MARCHF11: variants seen among roughly 807,000 people sequenced by gnomAD.
MARCHF11 encodes membrane associated ring-CH-type finger 11, also known as E3 ubiquitin-protein ligase MARCHF11.
MARCHF11 carries 29 observed loss-of-function variants against 37.3 expected under a neutral mutation model. The observed-to-expected ratio is 0.78, with a 90% CI of 0.58 to 1.06. The LOEUF (loss-of-function observed/expected upper bound fraction) is 1.06, where lower values mean the gene tolerates loss of function less well. Among genes scored for constraint, MARCHF11 ranks in the 50% least tolerant of loss-of-function variants. The probability of loss-of-function intolerance (pLI) is 0.00; values close to 1 mark genes in which losing one functional copy is unlikely to be tolerated. For missense variants in MARCHF11, 482 were observed against 533.4 expected, an observed-to-expected ratio of 0.90 and a Z score of 0.95; for synonymous variants, 233 against 228.0, an observed-to-expected ratio of 1.02 and a Z score of -0.20.
At chr5:16,091,939 C>T (rs191356623) in intron 2 of MARCHF11, among the ~76,000 whole-genome samples, 1 of 152,268 alleles carries the variant, frequency 6.6e-6, no homozygotes, top group Non-Finnish European at 1.5e-5. Context: ...TAAGGTTTGC[C>T]AGTAAACCAT....
At chr5:16,172,467 A>G (rs558369044) in intron 2 of MARCHF11, among the ~76,000 whole-genome samples, 36 of 152,296 alleles carry the variant, frequency 2.4e-4, no homozygotes, top group African/African-American at 7.9e-4. Flanking sequence ...ATTTGCTATT[A>G]AATCTGCAAA....
chr5:16,112,171 C>T (rs542845368), intron 2 of MARCHF11, among the ~76,000 whole-genome samples: 81 of 152,282 alleles, frequency 5.3e-4, no homozygotes, highest in Non-Finnish European at 1.0e-3. Flanking sequence ...GGGGCACTGT[C>T]TGGTGGAGCT....
At chr5:16,078,901 G>C (rs986743443) in intron 3 of MARCHF11, among the ~76,000 whole-genome samples, 1 of 152,116 alleles carries the variant, frequency 6.6e-6, no homozygotes, top group Non-Finnish European at 1.5e-5. Flanking sequence ...AGTTGCTCCT[G>C]AGCCTCATGT....
chr5:16,122,235 A>C (rs1392307635), intron 2 of MARCHF11, among the ~76,000 whole-genome samples: 6 of 152,182 alleles, frequency 3.9e-5, no homozygotes, highest in Non-Finnish European at 1.5e-5. Context: ...ACACTTTCCC[A>C]GGGAAAGCAT....
At chr5:16,104,010 C>G (rs189914289) in intron 2 of MARCHF11, among the ~76,000 whole-genome samples, 103 of 152,236 alleles carry the variant, frequency 6.8e-4, no homozygotes, top group Non-Finnish European at 1.3e-3. Flanking sequence ...AAATTGTGAG[C>G]AAAAGGAAAA....
chr5:16,174,237 C>T (rs189277949), intron 2 of MARCHF11, among the ~76,000 whole-genome samples: 650 of 152,284 alleles, frequency 4.3e-3, no homozygotes, highest in Non-Finnish European at 6.9e-3. Context: ...TCAAATTGTC[C>T]TTAATGCATC....
chr5:16,085,215 T>A (rs934728701), intron 3 of MARCHF11, among the ~76,000 whole-genome samples: 3 of 151,482 alleles, frequency 2.0e-5, no homozygotes, highest in Admixed American at 6.6e-5. Context: ...TTTTTTTTTT[T>A]AAAGTGATCC....
intron 2 of MARCHF11, among the ~76,000 whole-genome samples, chr5:16,169,586 C>T (rs886725873): frequency 1.3e-5 from 2 of 152,074 alleles, no homozygotes; most frequent in African/African-American, 4.8e-5. Context: ...GGGTTCCTGT[C>T]ATGTCTTATC....
chr5:16,130,282 A>AC, intron 2 of MARCHF11, among the ~76,000 whole-genome samples: 3 of 151,320 alleles, frequency 2.0e-5, no homozygotes, highest in African/African-American at 7.3e-5. Context: ...ACACACACAC[A>AC]AAAGATGTGT....
chr5:16,068,904 G>T (rs1736392580), intron 3 of MARCHF11, among the ~76,000 whole-genome samples: 1 of 152,238 alleles, frequency 6.6e-6, no homozygotes, highest in Admixed American at 6.5e-5. Context: ...AGCAGAGCAT[G>T]TCGGCTGGCA....
chr5:16,077,047 C>A (rs928497537), intron 3 of MARCHF11, among the ~76,000 whole-genome samples: 2 of 152,182 alleles, frequency 1.3e-5, no homozygotes, highest in African/African-American at 4.8e-5. Flanking sequence ...AGGAGGATTA[C>A]GGCAACCTTC....
chr5:16,131,813 T>G (rs1406543884), intron 2 of MARCHF11, among the ~76,000 whole-genome samples: 2 of 152,226 alleles, frequency 1.3e-5, no homozygotes, highest in African/African-American at 4.8e-5. Context: ...TGTCCTTTTG[T>G]TTTTCTAAAT....
chr5:16,157,839 C>T (rs939124728), intron 2 of MARCHF11, among the ~76,000 whole-genome samples: 1 of 151,814 alleles, frequency 6.6e-6, no homozygotes, highest in Admixed American at 6.6e-5. Flanking sequence ...ACAGGAATTA[C>T]ATCAAACTAA....
intron 3 of MARCHF11, among the ~76,000 whole-genome samples, chr5:16,068,223 C>T (rs1269175190): frequency 2.6e-5 from 4 of 152,184 alleles, no homozygotes; most frequent in African/African-American, 9.7e-5. Context: ...AATGTCATTA[C>T]AGATACTAAG....
At chr5:16,110,586 A>G (rs1003000523) in intron 2 of MARCHF11, among the ~76,000 whole-genome samples, 5 of 152,348 alleles carry the variant, frequency 3.3e-5, no homozygotes, top group African/African-American at 1.2e-4. Flanking sequence ...GATCTGGTCC[A>G]AACTCCTATT....
chr5:16,094,334 G>A (rs767081074), intron 2 of MARCHF11, among the ~76,000 whole-genome samples: 10 of 152,122 alleles, frequency 6.6e-5, no homozygotes, highest in African/African-American at 9.7e-5. Context: ...CATTTGCTTC[G>A]ATGATAAAAG....
intron 2 of MARCHF11, among the ~76,000 whole-genome samples, chr5:16,114,651 G>T (rs111885693): frequency 0.025 from 3,737 of 151,822 alleles, 168 homozygotes; most frequent in African/African-American, 0.086. Flanking sequence ...GATATTCTTA[G>T]AAGCTTTACT....
At chr5:16,123,664 T>C (rs1414869430) in intron 2 of MARCHF11, among the ~76,000 whole-genome samples, 1 of 152,126 alleles carries the variant, frequency 6.6e-6, no homozygotes, top group African/African-American at 2.4e-5. Flanking sequence ...CTGTGTGGGC[T>C]CATTTCTATG....
At chr5:16,091,132 A>AT in intron 2 of MARCHF11, 51 bp from the exon 3 acceptor site, 4 of 1,149,736 alleles carry the variant, frequency 3.5e-6, no homozygotes, top group East Asian at 3.0e-5. Context: ...TAATTAAAAA[A>AT]GAAAAAAAAA....
Sources: gnomAD v4.1 joint callset for allele counts (sites outside exome capture counted in the v4.1 genomes callset) on GRCh38, gnomAD v4.1.1 for gene constraint, MANE v1.5 for transcripts, NCBI Gene and HGNC (gene_info 2026-07-23, HGNC 2026-07-21) for gene names.